EPCIP: variants seen among roughly 807,000 people sequenced by gnomAD.
EPCIP encodes the protein exosomal polycystin 1 interacting protein.
chr21:32,793,403 G>A, the EPCIP span, among the ~76,000 whole-genome samples: 4 of 152,298 alleles, frequency 2.6e-5, no homozygotes, highest in Admixed American at 1.3e-4. Context: ...CCTTCTAGGA[G>A]GAGCTCCACT....
At chr21:32,809,345 C>CTT in the EPCIP span, among the ~76,000 whole-genome samples, 15 of 53,314 alleles carry the variant, frequency 2.8e-4, no homozygotes, top group African/African-American at 8.0e-4. Flanking sequence ...TCTTTCTTTC[C>CTT]TCTTTCTTTC....
chr21:32,793,203 CG>C, the EPCIP span, among the ~76,000 whole-genome samples: 1 of 152,034 alleles, frequency 6.6e-6, no homozygotes, highest in South Asian at 2.1e-4. Flanking sequence ...GTGATCCGCC[CG>C]CCTCGGCCTC....
At chr21:32,813,624 C>G in the EPCIP span, 2 of 471,100 alleles carry the variant, frequency 4.2e-6, no homozygotes, top group African/African-American at 4.0e-5. Context: ...CCTCGCCTCT[C>G]CACTCCACAG....
chr21:32,798,553 C>G, the EPCIP span: 1 of 152,280 alleles, frequency 6.6e-6, no homozygotes, highest in Non-Finnish European at 1.5e-5. Flanking sequence ...TCAAGTACCC[C>G]TCGTGAGCTG....
At chr21:32,811,620 T>G in the EPCIP span, among the ~76,000 whole-genome samples, 1 of 152,226 alleles carries the variant, frequency 6.6e-6, no homozygotes, top group African/African-American at 2.4e-5. Context: ...TGAGATTCCA[T>G]GCATTGTATT....
the EPCIP span, among the ~76,000 whole-genome samples, chr21:32,805,231 G>A: frequency 6.6e-6 from 1 of 152,204 alleles, no homozygotes; most frequent in South Asian, 2.1e-4. Context: ...TTCCCTTGGA[G>A]TCTCCAGAAG....
At chr21:32,809,288 CTTT>C in the EPCIP span, among the ~76,000 whole-genome samples, 1,328 of 116,740 alleles carry the variant, frequency 0.011, 39 homozygotes, top group East Asian at 0.025. Context: ...TCCTTTCTTT[CTTT>C]CTTTCTTTCT....
chr21:32,800,075 A>G, the EPCIP span, among the ~76,000 whole-genome samples: 2 of 152,196 alleles, frequency 1.3e-5, no homozygotes, highest in African/African-American at 2.4e-5. Context: ...ACAATTAGTT[A>G]TTTGTCTTTT....
At chr21:32,799,199 C>T in the EPCIP span, among the ~76,000 whole-genome samples, 2 of 152,102 alleles carry the variant, frequency 1.3e-5, no homozygotes, top group Admixed American at 1.3e-4. Flanking sequence ...TGGGTGCCCA[C>T]AAGACCCATG....
At chr21:32,794,089 A>T in the EPCIP span, 2 of 1,613,938 alleles carry the variant, frequency 1.2e-6, no homozygotes, top group Admixed American at 3.3e-5. Context: ...CAGTGGGGAG[A>T]GTGTTGGTGC....
chr21:32,807,329 T>C, the EPCIP span, among the ~76,000 whole-genome samples: 1 of 91,756 alleles, frequency 1.1e-5, no homozygotes, highest in African/African-American at 3.5e-5. Context: ...GATTCCCTCT[T>C]ATGCCTTTTT....
At chr21:32,808,329 A>G in the EPCIP span, among the ~76,000 whole-genome samples, 1 of 151,540 alleles carries the variant, frequency 6.6e-6, no homozygotes, top group African/African-American at 2.4e-5. Flanking sequence ...GACCTTTACT[A>G]TTTTAATTAC....
chr21:32,804,473 T>C, the EPCIP span, among the ~76,000 whole-genome samples: 6 of 151,830 alleles, frequency 4.0e-5, no homozygotes, highest in East Asian at 1.2e-3. Flanking sequence ...TTATGTATAT[T>C]GTATACTCAT....
the EPCIP span, among the ~76,000 whole-genome samples, chr21:32,796,634 C>T: frequency 1.3e-5 from 2 of 152,172 alleles, no homozygotes; most frequent in Admixed American, 6.5e-5. Flanking sequence ...ACGTGGAGAA[C>T]AAGCGTTCTC....
the EPCIP span, among the ~76,000 whole-genome samples, chr21:32,801,560 G>T: frequency 3.9e-5 from 6 of 152,316 alleles, no homozygotes; most frequent in African/African-American, 1.4e-4. Flanking sequence ...GCAGATGGAG[G>T]CCAGGCACAG....
the EPCIP span, chr21:32,794,191 A>G: frequency 3.1e-6 from 5 of 1,614,260 alleles, no homozygotes; most frequent in Non-Finnish European, 3.4e-6. Context: ...TCAGATGGCC[A>G]TTGTAGCTGG....
At chr21:32,794,003 A>G in the EPCIP span, 8 of 1,614,186 alleles carry the variant, frequency 5.0e-6, no homozygotes, top group Non-Finnish European at 6.8e-6. Context: ...ATGGATGAGT[A>G]AGCTCTGCTC....
the EPCIP span, among the ~76,000 whole-genome samples, chr21:32,804,972 C>A: frequency 2.0e-5 from 3 of 152,178 alleles, no homozygotes; most frequent in Non-Finnish European, 4.4e-5. Flanking sequence ...CTAAAGGTGC[C>A]TGTGTCCTAA....
the EPCIP span, among the ~76,000 whole-genome samples, chr21:32,799,957 TAAA>T: frequency 9.2e-5 from 14 of 152,186 alleles, no homozygotes; most frequent in Non-Finnish European, 4.4e-5. Flanking sequence ...AATAATAAAA[TAAA>T]AACCACTTTT....
Sources: allele counts gnomAD v4.1 joint callset (sites outside exome capture counted in the v4.1 genomes callset), GRCh38; gene constraint gnomAD v4.1.1; transcripts MANE v1.5; gene names NCBI Gene and HGNC (gene_info 2026-07-23, HGNC 2026-07-21).